KRAS: variants seen among roughly 807,000 people sequenced by gnomAD.
KRAS encodes GTPase KRas.
In KRAS, 1 loss-of-function variant was observed where a neutral mutation model predicts 21.0. The ratio of observed to expected loss-of-function variants is 0.05; its 90% CI spans 0.02 to 0.23. The LOEUF (loss-of-function observed/expected upper bound fraction) is 0.23, where lower values mean the gene tolerates loss of function less well. Among genes scored for constraint, KRAS ranks in the 10% least tolerant of loss-of-function variants. The probability of loss-of-function intolerance (pLI) is 1.00; values close to 1 mark genes in which losing one functional copy is unlikely to be tolerated. For missense variants in KRAS, 107 were observed against 221.8 expected (o/e 0.48, Z 3.29); for synonymous variants, 67 against 72.5 (o/e 0.92, Z 0.39).
At chr12:25,225,458 A>G in intron 4 of KRAS, 156 bp downstream of exon 4, 1 of 729,594 alleles carries the variant, frequency 1.4e-6, no homozygotes, top group Non-Finnish European at 2.3e-6. Flanking sequence ...TGGACACTGG[A>G]TTAAGAAGCA....
At chr12:25,212,870 G>T (rs1053167570) in intron 4 of KRAS, among the ~76,000 whole-genome samples, 1 of 152,056 alleles carries the variant, frequency 6.6e-6, no homozygotes, top group South Asian at 2.1e-4. Context: ...TTATAAGTGT[G>T]AGCCACTGTC....
intron 4 of KRAS, among the ~76,000 whole-genome samples, chr12:25,210,389 G>A (rs920771566): frequency 3.9e-5 from 6 of 151,924 alleles, no homozygotes. Flanking sequence ...AAAATCCATT[G>A]GATTTAAAAA....
intron 2 of KRAS, chr12:25,234,120 C>T (rs1951513569): frequency 1.7e-5 from 3 of 173,326 alleles, no homozygotes; most frequent in South Asian, 2.0e-4. Flanking sequence ...GACAATGAAG[C>T]TGTTAATTTT....
intron 2 of KRAS, among the ~76,000 whole-genome samples, chr12:25,229,759 T>C (rs1951441292): frequency 7.3e-6 from 1 of 137,028 alleles, no homozygotes; most frequent in Non-Finnish European, 1.5e-5. Context: ...TAGGCTATAG[T>C]ATTAATGTAT....
intron 1 of KRAS, among the ~76,000 whole-genome samples, chr12:25,249,465 C>T (rs2135812577): frequency 6.8e-6 from 1 of 147,102 alleles, no homozygotes; most frequent in African/African-American, 2.5e-5. Flanking sequence ...GTGGCGTGCA[C>T]CTACTAGTCC....
At position 25,205,607 on chromosome 12, in the gene KRAS, G is replaced by C; in HGVS notation, c.*4188C>G. On this transcript the variant is annotated 3_prime_UTR_variant, in exon 5 of 5. Transcript: ENST00000311936. ...TGGCACTCAAAGGAAAAATGCAAAAGTATTTTCAACATGAAAACACAAGAC... is the reference window on the plus strand; with the variant it reads ...TGGCACTCAAAGGAAAAATGCAAAACTATTTTCAACATGAAAACACAAGAC... The C allele has an allele frequency of 9.0e-6, 2 of 221,320 alleles. No homozygotes were observed. The highest frequency in any genetic ancestry group is 9.1e-6 in the Non-Finnish European group (1 of 110,346). 13.7% of individuals were successfully genotyped at this position (221,320 alleles called of 1,614,324 possible).
At chr12:25,226,014 T>C (rs916205305) in intron 3 of KRAS, among the ~76,000 whole-genome samples, 5 of 152,134 alleles carry the variant, frequency 3.3e-5, no homozygotes, top group African/African-American at 7.2e-5. Flanking sequence ...TATAACCTAA[T>C]AGGTTAATAT....
intron 2 of KRAS, chr12:25,234,987 C>T: frequency 3.2e-6 from 1 of 315,960 alleles, no homozygotes. Context: ...ATAGTAATTA[C>T]AGCAGTCAAC....
rs1195555604 is a variant in KRAS, at chr12:25,208,889, G to C, written c.*906C>G. ...AAGCAGAATTAAAACTATCTTCAAA[G>C]ACTCAAGTTGAAGAAAAGATTTAAA... On this transcript the variant is annotated 3_prime_UTR_variant, in exon 5 of 5. Coordinates refer to ENST00000311936, the MANE Select transcript of KRAS (RefSeq NM_004985.5). 1 of 249,484 alleles carries C rather than the reference G, an allele frequency of 4.0e-6. No homozygotes were observed. Among genetic ancestry groups the C allele is most frequent in the Non-Finnish European group, 7.7e-6 (1 of 129,540 alleles). 15.5% of individuals were successfully genotyped at this position (249,484 alleles called of 1,614,324 possible). A position where few individuals can be genotyped will look rare whatever the true frequency, so the allele number is the denominator to read the frequency against.
At chr12:25,233,694 C>T (rs2135792195) in intron 2 of KRAS, 1 of 210,212 alleles carries the variant, frequency 4.8e-6, no homozygotes, top group African/African-American at 2.3e-5. Context: ...ATATCCTCTA[C>T]TAGGCTTTAA....
intron 4 of KRAS, among the ~76,000 whole-genome samples, chr12:25,223,470 C>T (rs754607721): frequency 6.6e-6 from 1 of 152,142 alleles, no homozygotes; most frequent in Non-Finnish European, 1.5e-5. Flanking sequence ...TATGTGAAAT[C>T]TTAATTCCTC....
At position 25,206,391 on chromosome 12, in the gene KRAS, T is replaced by A; in HGVS notation, c.*3404A>T. 4.8e-6 allele frequency: 1 copy of A among 206,490 alleles called. No individual in the cohort carries two copies. Among genetic ancestry groups the A allele is most frequent in the East Asian group, 7.7e-5 (1 of 13,066 alleles). The allele number at this position is 206,490 out of a possible 1,614,324, so 12.8% of individuals were successfully genotyped here. On this transcript the variant is annotated 3_prime_UTR_variant, in exon 5 of 5. Coordinates refer to ENST00000311936, the MANE Select transcript of KRAS (RefSeq NM_004985.5). Reference sequence around the variant, plus strand: ...CCTAAGTCTATGTAATTTAGCTTTTTTTAAAAAAACTTCAACAAGGATTTT... The same window carrying A: ...CCTAAGTCTATGTAATTTAGCTTTTATTAAAAAAACTTCAACAAGGATTTT...
In KRAS at chr12:25,227,326, T is replaced by C. The variant is rs200229810; in HGVS notation, c.198A>G (p.Ala66=). Residue 66 remains alanine (A), a synonymous_variant, in exon 3 of 5, where the codon GCA becomes GCG. Transcript: ENST00000311936. ...CAGTCCTCATGTACTGGTCCCTCATTGCACTGTACTCCTCTTGACCTGCTG... is the reference window on the plus strand; with the variant it reads ...CAGTCCTCATGTACTGGTCCCTCATCGCACTGTACTCCTCTTGACCTGCTG... The part of the protein sequence containing the change: ...LDTAGQEEYS[A]MRDQYMRTGE... 146 of 1,614,026 alleles carry C rather than the reference T, an allele frequency of 9.0e-5. No individual in the cohort carries two copies. The highest frequency in any genetic ancestry group is 2.0e-4 in the Admixed American group (12 of 60,024).
intron 1 of KRAS, 53 bp from the exon 2 acceptor site, chr12:25,245,448 G>C (rs1951665650): frequency 4.6e-6 from 7 of 1,509,056 alleles, no homozygotes; most frequent in Admixed American, 1.9e-5. Context: ...TCACACATAA[G>C]GTTAATACAC....
intron 3 of KRAS, among the ~76,000 whole-genome samples, chr12:25,226,570 T>C (rs1474799632): frequency 6.6e-6 from 1 of 152,220 alleles, no homozygotes; most frequent in African/African-American, 2.4e-5. Context: ...TGTAACAATG[T>C]TCTTAAATAA....
At chr12:25,225,008 T>C (rs1951372682) in intron 4 of KRAS, 1 of 152,060 alleles carries the variant, frequency 6.6e-6, no homozygotes, top group Admixed American at 6.6e-5. Context: ...GAAGAAAAAG[T>C]CATTTTTAAA....
At chr12:25,231,792 T>C (rs969724100) in intron 2 of KRAS, among the ~76,000 whole-genome samples, 21 of 152,294 alleles carry the variant, frequency 1.4e-4, no homozygotes, top group African/African-American at 4.3e-4. Flanking sequence ...CTCTTAGAAG[T>C]GCAATTAGTC....
chr12:25,248,393 C>T (rs1313793166), intron 1 of KRAS, among the ~76,000 whole-genome samples: 8 of 147,576 alleles, frequency 5.4e-5, no homozygotes, highest in African/African-American at 2.0e-4. Context: ...GAGGTAGTAG[C>T]GGGCCGAGAT....
intron 4 of KRAS, 57 bp downstream of exon 4, chr12:25,225,557 A>G: frequency 6.7e-7 from 1 of 1,500,108 alleles, no homozygotes. Flanking sequence ...ATATTAAATG[A>G]CATAACAGTT....
Sources: gnomAD v4.1 joint callset for allele counts (sites outside exome capture counted in the v4.1 genomes callset) on GRCh38, gnomAD v4.1.1 for gene constraint, MANE v1.5 for transcripts, NCBI Gene and HGNC (gene_info 2026-07-23, HGNC 2026-07-21) for gene names.